RAP1A: variants seen among roughly 807,000 people sequenced by gnomAD.
The protein encoded by RAP1A is ras-related protein Rap-1A.
A neutral mutation model predicts 26.4 loss-of-function variants in RAP1A; 6 were observed. That is an observed-to-expected ratio of 0.23 (90% CI 0.12 to 0.45). RAP1A has a LOEUF of 0.45. RAP1A is among the 20% of genes least tolerant of loss of function. The pLI, the probability that RAP1A is intolerant of heterozygous loss-of-function variation, is 0.99. For missense variants in RAP1A, 121 were observed against 217.2 expected (o/e 0.56, Z 2.78); for synonymous variants, 73 against 79.4 (o/e 0.92, Z 0.43).
chr1:111,661,649 A>G (rs1660640194), intron 1 of RAP1A, among the ~76,000 whole-genome samples: 1 of 152,034 alleles, frequency 6.6e-6, no homozygotes, highest in South Asian at 2.1e-4. Flanking sequence ...AAATACAAAA[A>G]TTAGCCGGGC....
intron 1 of RAP1A, among the ~76,000 whole-genome samples, chr1:111,544,735 T>C (rs1656974868): frequency 1.3e-5 from 2 of 152,130 alleles, no homozygotes; most frequent in African/African-American, 4.8e-5. Flanking sequence ...ACATCCATTT[T>C]TGGTATATAC....
rs546910467 is a variant in RAP1A at position 111,627,450 on chromosome 1, T to C, written c.-28+7516T>C. ...ACATGTATCTTTGATTGCATCTCTGTTTTTTTTTTCTTCCTGTAGGATAGA... is the reference window on the plus strand; with the variant it reads ...ACATGTATCTTTGATTGCATCTCTGCTTTTTTTTTCTTCCTGTAGGATAGA... On this transcript the variant is annotated intron_variant, in intron 1 of 7. Transcript: ENST00000369709. The C allele has an allele frequency of 4.0e-5, 6 of 149,458 alleles. No homozygotes were observed. In the South Asian group the frequency reaches 1.3e-3, roughly 32 times the overall value. The allele number at this position is 149,458 out of a possible 1,614,324, so 9.3% of individuals were successfully genotyped here.
chr1:111,701,595 A>G (rs1662025536), intron 4 of RAP1A, among the ~76,000 whole-genome samples: 1 of 152,186 alleles, frequency 6.6e-6, no homozygotes, highest in African/African-American at 2.4e-5. Flanking sequence ...TTTGTTGTGA[A>G]TGGATGAAAC....
At chr1:111,642,102 G>A (rs1327640222) in intron 1 of RAP1A, among the ~76,000 whole-genome samples, 4 of 152,094 alleles carry the variant, frequency 2.6e-5, no homozygotes, top group Non-Finnish European at 5.9e-5. Context: ...ACAGTTAGCC[G>A]GGTGTGGTGG....
At chr1:111,706,459 T>C (rs1662195274) in intron 6 of RAP1A, among the ~76,000 whole-genome samples, 1 of 151,828 alleles carries the variant, frequency 6.6e-6, no homozygotes, top group African/African-American at 2.4e-5. Flanking sequence ...TTCATTCATA[T>C]ATATATATAT....
intron 1 of RAP1A, among the ~76,000 whole-genome samples, chr1:111,548,470 A>T (rs995918291): frequency 6.6e-6 from 1 of 152,178 alleles, no homozygotes; most frequent in Admixed American, 6.5e-5. Context: ...TTCCTTTGAA[A>T]GCTCTGCTCT....
At chr1:111,572,383 C>G (rs1658067140) in intron 1 of RAP1A, among the ~76,000 whole-genome samples, 1 of 152,248 alleles carries the variant, frequency 6.6e-6, no homozygotes, top group Admixed American at 6.5e-5. Context: ...AGGTTTGCAA[C>G]TCAGGATTCC....
chr1:111,600,881 A>G (rs2101072120), intron 1 of RAP1A, among the ~76,000 whole-genome samples: 1 of 152,352 alleles, frequency 6.6e-6, no homozygotes, highest in South Asian at 2.1e-4. Context: ...GAGGGCTCAT[A>G]AGGGAGATCA....
At chr1:111,556,743 G>T (rs1657505913) in intron 1 of RAP1A, among the ~76,000 whole-genome samples, 1 of 152,068 alleles carries the variant, frequency 6.6e-6, no homozygotes, top group Non-Finnish European at 1.5e-5. Context: ...AGGGAGGGAG[G>T]AGTGGATAGT....
intron 1 of RAP1A, among the ~76,000 whole-genome samples, chr1:111,555,474 C>G (rs1657452667): frequency 6.8e-6 from 1 of 146,526 alleles, no homozygotes; most frequent in Non-Finnish European, 1.5e-5. Flanking sequence ...ACTCTGTGGA[C>G]AGGTTAAATA....
At chr1:111,664,908 GTGT>G (rs1454330090) in intron 1 of RAP1A, among the ~76,000 whole-genome samples, 2 of 152,272 alleles carry the variant, frequency 1.3e-5, no homozygotes, top group African/African-American at 2.4e-5. Flanking sequence ...TACTATTGTT[GTGT>G]TGTTGTTATA....
chr1:111,574,742 T>C (rs1030064676), intron 1 of RAP1A, among the ~76,000 whole-genome samples: 2 of 152,248 alleles, frequency 1.3e-5, no homozygotes, highest in South Asian at 4.1e-4. Flanking sequence ...AGTCAGTAAC[T>C]GTAGTAAATA....
intron 1 of RAP1A, among the ~76,000 whole-genome samples, chr1:111,669,025 A>AG (rs1304353956): frequency 5.5e-5 from 4 of 72,248 alleles, no homozygotes; most frequent in African/African-American, 2.1e-4. Flanking sequence ...CCCTATCTCA[A>AG]GAAAAAAAAA....
At chr1:111,572,177 T>C (rs1181662522) in intron 1 of RAP1A, among the ~76,000 whole-genome samples, 2 of 152,218 alleles carry the variant, frequency 1.3e-5, no homozygotes, top group Non-Finnish European at 2.9e-5. Context: ...CAATCAATTA[T>C]GTAGTAGGAT....
At chr1:111,701,992 T>C (rs570059) in intron 4 of RAP1A, among the ~76,000 whole-genome samples, 18,012 of 152,210 alleles carry the variant, frequency 0.12, 1,403 homozygotes, top group East Asian at 0.21. Flanking sequence ...GCCATGTTCC[T>C]GTGGCACACC....
rs201677194 is a variant in RAP1A, at chr1:111,697,407, C to T, written c.127-34C>T. 124 of 1,595,974 alleles carry T rather than the reference C, an allele frequency of 7.8e-5. No individual in the cohort carries two copies. The African/African-American group carries it at 1.6e-3, about 21-fold the overall frequency. On this transcript the variant is annotated intron_variant, in intron 3 of 7. Coordinates refer to ENST00000369709, the MANE Select transcript of RAP1A (RefSeq NM_002884.4). ...AAAACAGAATGAGATTTTGATGTTACTCTTTAACCTTTTTTTTTTTTTTGC... is the reference window on the plus strand; with the variant it reads ...AAAACAGAATGAGATTTTGATGTTATTCTTTAACCTTTTTTTTTTTTTTGC...
At chr1:111,632,939 A>AAG (rs1659617099) in intron 1 of RAP1A, among the ~76,000 whole-genome samples, 1 of 151,482 alleles carries the variant, frequency 6.6e-6, no homozygotes, top group South Asian at 2.1e-4. Context: ...AAAAAAAAAA[A>AAG]AAAAAGATAC....
chr1:111,611,233 G>A (rs1658922039), intron 1 of RAP1A, among the ~76,000 whole-genome samples: 1 of 152,130 alleles, frequency 6.6e-6, no homozygotes, highest in African/African-American at 2.4e-5. Flanking sequence ...GTAAAAGTTT[G>A]CCCAAATTTC....
chr1:111,580,420 G>A (rs1658232484), intron 1 of RAP1A, among the ~76,000 whole-genome samples: 2 of 152,170 alleles, frequency 1.3e-5, no homozygotes, highest in Non-Finnish European at 2.9e-5. Context: ...GCACACACGT[G>A]GATGTATAGG....
Sources: gnomAD v4.1 joint callset for allele counts (sites outside exome capture counted in the v4.1 genomes callset) on GRCh38, gnomAD v4.1.1 for gene constraint, MANE v1.5 for transcripts, NCBI Gene and HGNC (gene_info 2026-07-23, HGNC 2026-07-21) for gene names.